SLC24A2: variants seen among roughly 807,000 people sequenced by gnomAD.
SLC24A2 encodes the protein solute carrier family 24 member 2.
A neutral mutation model predicts 62.0 loss-of-function variants in SLC24A2; 36 were observed. The observed-to-expected ratio is 0.58, with a 90% CI of 0.44 to 0.77. The LOEUF is 0.77. Ranked by LOEUF, SLC24A2 falls within the 30% of genes least tolerant of loss-of-function variation. The pLI is 0.00. For missense variants in SLC24A2, 846 were observed against 817.9 expected, an observed-to-expected ratio of 1.03 and a Z score of -0.42; for synonymous variants, 358 against 294.0, an observed-to-expected ratio of 1.22 and a Z score of -2.23.
the SLC24A2 span, among the ~76,000 whole-genome samples, chr9:20,248,212 C>T: frequency 6.6e-6 from 1 of 152,206 alleles, no homozygotes; most frequent in Non-Finnish European, 1.5e-5. Context: ...ATAGTGAATG[C>T]AAGGAACCCG....
chr9:19,667,439 A>G (rs759241464), intron 2 of SLC24A2, among the ~76,000 whole-genome samples: 30 of 152,120 alleles, frequency 2.0e-4, no homozygotes, highest in Non-Finnish European at 3.4e-4. Flanking sequence ...CTGACTGGTC[A>G]TTGCATCCTG....
At chr9:20,113,213 G>C in the SLC24A2 span, among the ~76,000 whole-genome samples, 1 of 152,096 alleles carries the variant, frequency 6.6e-6, no homozygotes, top group Non-Finnish European at 1.5e-5. Flanking sequence ...CATAGTTCTA[G>C]GGAACCAGGC....
At chr9:20,186,276 A>G in the SLC24A2 span, among the ~76,000 whole-genome samples, 2 of 152,126 alleles carry the variant, frequency 1.3e-5, no homozygotes. Context: ...TTTTTGCCCC[A>G]GTCGATTTCC....
chr9:20,053,828 G>A, the SLC24A2 span, among the ~76,000 whole-genome samples: 7 of 152,260 alleles, frequency 4.6e-5, no homozygotes, highest in Admixed American at 1.3e-4. Context: ...AAGCCACCCC[G>A]TGTATGGTAT....
the SLC24A2 span, among the ~76,000 whole-genome samples, chr9:20,260,748 A>G: frequency 0.01 from 1,524 of 151,024 alleles, 22 homozygotes; most frequent in African/African-American, 0.034. Flanking sequence ...TGGTGCACCT[A>G]TCACCGGAAG....
the SLC24A2 span, among the ~76,000 whole-genome samples, chr9:20,154,148 T>TA: frequency 6.2e-4 from 95 of 152,002 alleles, no homozygotes; most frequent in Admixed American, 5.9e-4. Flanking sequence ...ATAAATGAGA[T>TA]ACAATAGCAA....
chr9:19,918,170 GTA>G, the SLC24A2 span, among the ~76,000 whole-genome samples: 4 of 139,914 alleles, frequency 2.9e-5, no homozygotes, highest in East Asian at 8.8e-4. Context: ...GTGTGTGTGT[GTA>G]TACATACACA....
intron 2 of SLC24A2, among the ~76,000 whole-genome samples, chr9:19,641,903 A>G (rs1232543745): frequency 6.6e-6 from 1 of 151,906 alleles, no homozygotes. Flanking sequence ...CCCACATCCA[A>G]TCCACCAGCA....
At chr9:20,138,072 C>T in the SLC24A2 span, among the ~76,000 whole-genome samples, 1 of 152,268 alleles carries the variant, frequency 6.6e-6, no homozygotes, top group South Asian at 2.1e-4. Flanking sequence ...GGTCCACTAT[C>T]TTTGGAACCT....
the SLC24A2 span, among the ~76,000 whole-genome samples, chr9:20,112,644 C>T: frequency 7.4e-4 from 113 of 152,232 alleles, 1 homozygote; most frequent in African/African-American, 2.5e-3. Context: ...TGTCAGTGTA[C>T]GGGAAGCCCT....
chr9:19,575,164 C>T (rs201871016), intron 6 of SLC24A2, among the ~76,000 whole-genome samples: 2 of 152,242 alleles, frequency 1.3e-5, no homozygotes, highest in East Asian at 3.9e-4. Flanking sequence ...ACCATAGAAA[C>T]TCAAATTTAC....
intron 5 of SLC24A2, among the ~76,000 whole-genome samples, chr9:19,577,448 T>C (rs1056003927): frequency 2.0e-5 from 3 of 152,144 alleles, no homozygotes; most frequent in African/African-American, 4.8e-5. Context: ...TTTTCAAACA[T>C]TTACACTTTG....
At chr9:20,084,201 C>G in the SLC24A2 span, among the ~76,000 whole-genome samples, 1 of 152,288 alleles carries the variant, frequency 6.6e-6, no homozygotes, top group African/African-American at 2.4e-5. Context: ...CAGCAGGTAC[C>G]TGAAAGCTGA....
the SLC24A2 span, among the ~76,000 whole-genome samples, chr9:19,920,894 G>C: frequency 6.6e-6 from 1 of 152,108 alleles, no homozygotes. Flanking sequence ...AACCAGATCT[G>C]CTCCTGTTTG....
chr9:19,895,546 C>CTTTCTTTCTT, the SLC24A2 span, among the ~76,000 whole-genome samples: 709 of 135,316 alleles, frequency 5.2e-3, 3 homozygotes, highest in South Asian at 0.026. Flanking sequence ...TTCTTTCTTT[C>CTTTCTTTCTT]TTTTTTTTTT....
At chr9:19,715,623 T>C (rs1820836035) in intron 2 of SLC24A2, among the ~76,000 whole-genome samples, 1 of 152,194 alleles carries the variant, frequency 6.6e-6, no homozygotes, top group Non-Finnish European at 1.5e-5. Context: ...CTCATTGTGT[T>C]TGAACCCAGG....
intron 10 of SLC24A2, among the ~76,000 whole-genome samples, chr9:19,516,865 C>T (rs6475339): frequency 0.29 from 44,329 of 151,908 alleles, 6,977 homozygotes; most frequent in East Asian, 0.51. Context: ...ATAGCAATGA[C>T]TTAATAGTCT....
the SLC24A2 span, among the ~76,000 whole-genome samples, chr9:19,889,875 T>A: frequency 6.6e-6 from 1 of 152,250 alleles, no homozygotes; most frequent in Non-Finnish European, 1.5e-5. Context: ...ATACCGGTTT[T>A]GAAATATCTA....
Position 19,764,606 on chromosome 9 carries a change from G to C in SLC24A2, c.930+21331C>G, listed in dbSNP as rs552565450. Among the ~76,000 whole-genome samples, 121 of 152,322 alleles carry C rather than the reference G, an allele frequency of 7.9e-4. 1 individual carries two copies. The highest frequency in any genetic ancestry group is 4.1e-3 in the South Asian group (20 of 4,826). ...AGTTATTCAATTTCCATGTAATTGT[G>C]TGGTTTTGAGTGAGTTTCTTTATCC... On this transcript the variant is annotated intron_variant, in intron 2 of 10. Transcript: ENST00000341998.
Sources: allele counts gnomAD v4.1 joint callset (sites outside exome capture counted in the v4.1 genomes callset), GRCh38; gene constraint gnomAD v4.1.1; transcripts MANE v1.5; gene names NCBI Gene and HGNC (gene_info 2026-07-23, HGNC 2026-07-21).